PSMB2: variants seen among roughly 807,000 people sequenced by gnomAD.
The protein encoded by PSMB2 is proteasome subunit beta type-2.
A neutral mutation model predicts 25.7 loss-of-function variants in PSMB2; 13 were observed. That is an observed-to-expected ratio of 0.51 (90% confidence interval 0.33 to 0.80). PSMB2 has a LOEUF of 0.80. Ranked by LOEUF, PSMB2 falls within the 30% of genes least tolerant of loss-of-function variation. PSMB2 has a pLI of 0.02. For synonymous variants in PSMB2, 87 were observed against 96.2 expected (o/e 0.90, Z 0.56); for missense variants, 202 against 259.0 (o/e 0.78, Z 1.51).
At chr1:35,623,336 C>T (rs1650750042) in intron 3 of PSMB2, among the ~76,000 whole-genome samples, 1 of 152,194 alleles carries the variant, frequency 6.6e-6, no homozygotes, top group African/African-American at 2.4e-5. Flanking sequence ...TCTTGGCCTA[C>T]AGTGACAATC....
intron 3 of PSMB2, among the ~76,000 whole-genome samples, chr1:35,625,317 G>A (rs1255877679): frequency 6.6e-6 from 1 of 152,148 alleles, no homozygotes; most frequent in Admixed American, 6.5e-5. Flanking sequence ...ACATCATGGA[G>A]GCCAGCATCC....
chr1:35,607,881 C>G (rs904189737), intron 4 of PSMB2, among the ~76,000 whole-genome samples: 1 of 152,230 alleles, frequency 6.6e-6, no homozygotes, highest in South Asian at 2.1e-4. Flanking sequence ...AAAGGAAATA[C>G]TGTCATTCAA....
chr1:35,606,229 G>C (rs1053264494), intron 4 of PSMB2, among the ~76,000 whole-genome samples: 1 of 152,224 alleles, frequency 6.6e-6, no homozygotes, highest in East Asian at 1.9e-4. Context: ...GGAGGAAATA[G>C]AGTACCCCAA....
At chr1:35,625,608 A>G (rs1211138949) in intron 3 of PSMB2, among the ~76,000 whole-genome samples, 1 of 151,676 alleles carries the variant, frequency 6.6e-6, no homozygotes, top group African/African-American at 2.4e-5. Flanking sequence ...TAAAAATACA[A>G]AAAAGTAGCC....
intron 3 of PSMB2, among the ~76,000 whole-genome samples, chr1:35,612,492 T>C (rs1198354195): frequency 1.3e-5 from 2 of 152,172 alleles, no homozygotes; most frequent in South Asian, 2.1e-4. Context: ...CCTGCTTAAA[T>C]TAGCTACAGA....
intron 3 of PSMB2, among the ~76,000 whole-genome samples, chr1:35,625,545 G>A (rs1036116809): frequency 1.3e-5 from 2 of 152,028 alleles, no homozygotes; most frequent in Non-Finnish European, 2.9e-5. Context: ...GGTGGACCAC[G>A]AGGTCAAGAG....
intron 3 of PSMB2, among the ~76,000 whole-genome samples, chr1:35,623,466 T>G (rs886686417): frequency 4.6e-5 from 7 of 152,158 alleles, no homozygotes; most frequent in African/African-American, 1.7e-4. Flanking sequence ...TTGGTTTTCG[T>G]TTTTTATTTT....
chr1:35,607,351 T>C (rs1650198756), intron 4 of PSMB2, among the ~76,000 whole-genome samples: 1 of 151,984 alleles, frequency 6.6e-6, no homozygotes, highest in Admixed American at 6.6e-5. Context: ...CAAAAATTCA[T>C]TAAAAAATGG....
chr1:35,607,914 TCTG>T (rs1650214787), intron 4 of PSMB2, among the ~76,000 whole-genome samples: 1 of 146,220 alleles, frequency 6.8e-6, no homozygotes, highest in African/African-American at 2.7e-5. Context: ...TGGACGGTAT[TCTG>T]CTAAGTGAAA....
intron 1 of PSMB2, among the ~76,000 whole-genome samples, chr1:35,638,182 A>G (rs1239674609): frequency 2.6e-5 from 4 of 152,220 alleles, no homozygotes; most frequent in Non-Finnish European, 5.9e-5. Context: ...ATGTTTTTTA[A>G]ACACTGAATA....
intron 2 of PSMB2, among the ~76,000 whole-genome samples, chr1:35,631,718 TA>T (rs1306192710): frequency 6.6e-6 from 1 of 152,174 alleles, no homozygotes; most frequent in Non-Finnish European, 1.5e-5. Context: ...TTTAAAAGTT[TA>T]TTTTAAAAAG....
Position 35,601,412 on chromosome 1 carries a change from G to A in PSMB2, c.*1855C>T, listed in dbSNP as rs1274320359. The A allele has an allele frequency of 9.1e-6, 9 of 985,146 alleles. No individual in the cohort carries two copies. Among genetic ancestry groups the A allele is most frequent in the Admixed American group, 6.2e-5 (1 of 16,236 alleles). The allele number at this position is 985,146 out of a possible 1,614,324, so 61.0% of individuals were successfully genotyped here. ...TTTAAAATAGATGCCTTACACTCAG[G>A]AATCTAGCTAAAAGCTCAAACCTAT... On this transcript the variant is annotated 3_prime_UTR_variant, in exon 6 of 6. Transcript: ENST00000373237.
chr1:35,639,605 A>G (rs952278871), intron 1 of PSMB2, among the ~76,000 whole-genome samples: 1 of 152,206 alleles, frequency 6.6e-6, no homozygotes, highest in African/African-American at 2.4e-5. Context: ...ATCCCCTATA[A>G]TGACTAAAAG....
In PSMB2 at chr1:35,609,324, A is replaced by C; in HGVS notation, c.370T>G (p.Leu124Val). The change falls in exon 4 of 6, where the codon TTG (leucine) becomes GTG (valine). Residue 124 changes from leucine to valine, a missense_variant. Coordinates refer to ENST00000373237, the MANE Select transcript of PSMB2 (RefSeq NM_002794.5). Reference sequence around the variant, plus strand: ...TGGGCTGCAAAAGGGGCCTTGGCCAAGGCTGCCAGGTAGTCCATGTAATAC... The same window carrying C: ...TGGGCTGCAAAAGGGGCCTTGGCCACGGCTGCCAGGTAGTCCATGTAATAC... Reference protein sequence around the residue: ...ALYYMDYLAALAKAPFAAHGY... With the variant: ...ALYYMDYLAAVAKAPFAAHGY... 2 of 1,613,508 alleles carry C rather than the reference A, an allele frequency of 1.2e-6. No individual in the cohort carries two copies. The highest frequency in any genetic ancestry group is 1.7e-6 in the Non-Finnish European group (2 of 1,179,740).
rs1307938207 is a variant in PSMB2, at chr1:35,602,723, C to T, written c.*544G>A. The T allele has an allele frequency of 5.0e-6, 1 of 198,950 alleles. No individual in the cohort carries two copies. The highest frequency in any genetic ancestry group is 9.0e-6 in the Non-Finnish European group (1 of 110,606). 12.3% of individuals were successfully genotyped at this position (198,950 alleles called of 1,614,324 possible). A position where few individuals can be genotyped will look rare whatever the true frequency, so the allele number is the denominator to read the frequency against. On this transcript the variant is annotated 3_prime_UTR_variant, in exon 6 of 6. Transcript: ENST00000373237. Reference sequence around the variant, plus strand: ...ATGTTGGTCAGGATGGTCTCGCTCTCTTGACCTCGTGATCCGCCCGCCTCG... The same window carrying T: ...ATGTTGGTCAGGATGGTCTCGCTCTTTTGACCTCGTGATCCGCCCGCCTCG...
intron 1 of PSMB2, among the ~76,000 whole-genome samples, chr1:35,636,633 A>G (rs1344916886): frequency 1.3e-5 from 2 of 152,124 alleles, no homozygotes; most frequent in Non-Finnish European, 2.9e-5. Context: ...CTGAACATGT[A>G]CTGACTTTTT....
At chr1:35,614,724 C>T (rs1025594332) in intron 3 of PSMB2, among the ~76,000 whole-genome samples, 9 of 152,186 alleles carry the variant, frequency 5.9e-5, no homozygotes, top group African/African-American at 2.2e-4. Context: ...GCAATGCAAA[C>T]ACCAACATGT....
chr1:35,622,810 TAAAAA>T (rs113355309), intron 3 of PSMB2, among the ~76,000 whole-genome samples: 1 of 133,140 alleles, frequency 7.5e-6, no homozygotes, highest in African/African-American at 2.8e-5. Flanking sequence ...ACAGCACATT[TAAAAA>T]AAAAAAAAAA....
chr1:35,632,000 A>G (rs1160636413), intron 2 of PSMB2, among the ~76,000 whole-genome samples: 2 of 152,226 alleles, frequency 1.3e-5, no homozygotes, highest in East Asian at 1.9e-4. Context: ...CATGGGTGAC[A>G]GAGCAAGACC....
Sources: gnomAD v4.1 joint callset for allele counts (sites outside exome capture counted in the v4.1 genomes callset) on GRCh38, gnomAD v4.1.1 for gene constraint, MANE v1.5 for transcripts, NCBI Gene and HGNC (gene_info 2026-07-23, HGNC 2026-07-21) for gene names.